The following PCDH7 variants were observed in gnomAD, a reference collection of about 807,000 sequenced individuals.
PCDH7 encodes the protein protocadherin-7.
A neutral mutation model predicts 58.9 loss-of-function variants in PCDH7; 17 were observed. That is an observed-to-expected ratio of 0.29 (90% confidence interval 0.20 to 0.43). The LOEUF is 0.43. PCDH7 is among the 20% of genes least tolerant of loss of function. PCDH7 has a pLI of 1.00. For missense variants in PCDH7, 1,274 were observed against 1,441.0 expected (o/e 0.88, Z 1.88); for synonymous variants, 664 against 616.4 (o/e 1.08, Z -1.14).
intron 1 of PCDH7, among the ~76,000 whole-genome samples, chr4:30,829,338 ATTGT>A (rs1157695068): frequency 2.6e-5 from 4 of 152,086 alleles, no homozygotes; most frequent in Non-Finnish European, 4.4e-5. Flanking sequence ...AATATAGAAA[ATTGT>A]TTGTTTAATT....
chr4:30,985,521 C>G (rs1283118577), intron 3 of PCDH7, among the ~76,000 whole-genome samples: 1 of 152,078 alleles, frequency 6.6e-6, no homozygotes, highest in Non-Finnish European at 1.5e-5. Flanking sequence ...ATGCAGTCAA[C>G]TTACTAATTT....
chr4:30,746,040 G>A (rs1717738768), intron 1 of PCDH7, among the ~76,000 whole-genome samples: 1 of 151,960 alleles, frequency 6.6e-6, no homozygotes. Flanking sequence ...TGTTGGCCAG[G>A]CTGGTCTTGA....
intron 3 of PCDH7, among the ~76,000 whole-genome samples, chr4:30,992,190 T>G: frequency 6.6e-6 from 1 of 152,224 alleles, no homozygotes; most frequent in East Asian, 1.9e-4. Context: ...ATAGTGTTTG[T>G]TAAGTAAATA....
At chr4:30,897,186 G>A (rs1739558794) in intron 1 of PCDH7, among the ~76,000 whole-genome samples, 2 of 151,924 alleles carry the variant, frequency 1.3e-5, no homozygotes, top group East Asian at 1.9e-4. Flanking sequence ...TTACAGGCGT[G>A]AGCCACCGCG....
chr4:31,001,165 T>G (rs1466504451), intron 3 of PCDH7, among the ~76,000 whole-genome samples: 4 of 151,952 alleles, frequency 2.6e-5, no homozygotes, highest in Non-Finnish European at 5.9e-5. Flanking sequence ...CAAAAAAAAG[T>G]TCATAAAATA....
intron 3 of PCDH7, among the ~76,000 whole-genome samples, chr4:31,066,803 C>T (rs1758131964): frequency 6.6e-6 from 1 of 151,896 alleles, no homozygotes; most frequent in Non-Finnish European, 1.5e-5. Context: ...TACTCCATTT[C>T]CTTTAACTCT....
chr4:30,800,322 A>G (rs1053331640), intron 1 of PCDH7, among the ~76,000 whole-genome samples: 1 of 152,162 alleles, frequency 6.6e-6, no homozygotes, highest in African/African-American at 2.4e-5. Flanking sequence ...ATATATACAC[A>G]TACATTTGTA....
chr4:30,888,121 ACC>A (rs1395731147), intron 1 of PCDH7, among the ~76,000 whole-genome samples: 1 of 151,790 alleles, frequency 6.6e-6, no homozygotes, highest in Non-Finnish European at 1.5e-5. Context: ...TTATCTGCCC[ACC>A]TCTGCCTCCC....
At chr4:31,016,756 A>G (rs1753634697) in intron 3 of PCDH7, among the ~76,000 whole-genome samples, 1 of 152,034 alleles carries the variant, frequency 6.6e-6, no homozygotes, top group African/African-American at 2.4e-5. Flanking sequence ...ACAGTGTCTC[A>G]AAGCAAATAA....
chr4:30,745,660 T>C (rs1029026637), intron 1 of PCDH7, among the ~76,000 whole-genome samples: 6 of 151,980 alleles, frequency 3.9e-5, no homozygotes, highest in African/African-American at 1.5e-4. Flanking sequence ...CTGCATGAAG[T>C]CTTTTAAAGC....
intron 3 of PCDH7, among the ~76,000 whole-genome samples, chr4:30,983,684 T>C (rs186860173): frequency 2.0e-5 from 3 of 152,316 alleles, no homozygotes; most frequent in East Asian, 1.9e-4. Context: ...CAAGTGGCCA[T>C]AATCAGTATG....
chr4:30,991,677 G>T (rs1751477283), intron 3 of PCDH7, among the ~76,000 whole-genome samples: 1 of 152,038 alleles, frequency 6.6e-6, no homozygotes, highest in South Asian at 2.1e-4. Context: ...GAATAAAACT[G>T]GTCATCGTTC....
chr4:30,764,169 T>C (rs913754895), intron 1 of PCDH7, among the ~76,000 whole-genome samples: 11 of 152,182 alleles, frequency 7.2e-5, no homozygotes, highest in African/African-American at 2.4e-4. Context: ...AAGGAAAATA[T>C]GTGTCCAGGA....
chr4:31,094,714 TAAAC>T (rs1296312251), intron 3 of PCDH7, among the ~76,000 whole-genome samples: 2 of 152,070 alleles, frequency 1.3e-5, no homozygotes, highest in African/African-American at 2.4e-5. Context: ...AGGAAACACA[TAAAC>T]AAACAAAAAA....
intron 3 of PCDH7, among the ~76,000 whole-genome samples, chr4:31,013,449 A>C (rs1473868415): frequency 2.0e-5 from 3 of 150,396 alleles, no homozygotes. Flanking sequence ...ATATATCTTC[A>C]TATATTATAT....
At chr4:30,789,718 A>G (rs1723861954) in intron 1 of PCDH7, among the ~76,000 whole-genome samples, 1 of 152,100 alleles carries the variant, frequency 6.6e-6, no homozygotes, top group African/African-American at 2.4e-5. Flanking sequence ...GTCACACTGA[A>G]TTTTTTATTT....
At position 30,859,820 on chromosome 4, in the gene PCDH7, AC is replaced by A. The variant is rs1733971873; in HGVS notation, c.71-60332del. The stretch of plus-strand genomic sequence containing the variant: ...CTGATTGGAAGGAAACTAAAAGCCA[AC>A]AGGACTTTGCTTCTGGTAGATACAG... On this transcript the variant is annotated intron_variant, in intron 1 of 3. Transcript: ENST00000509759. Among the ~76,000 whole-genome samples the A allele has an allele frequency of 2.0e-5, 3 of 152,180 alleles. No individual in the cohort carries two copies. The South Asian group carries it at 6.2e-4, about 31-fold the overall frequency.
intron 1 of PCDH7, among the ~76,000 whole-genome samples, chr4:30,811,159 A>T (rs1419823050): frequency 1.3e-5 from 2 of 152,176 alleles, no homozygotes; most frequent in East Asian, 1.9e-4. Context: ...CATTCCTTTC[A>T]TGTAGAAGGA....
intron 1 of PCDH7, among the ~76,000 whole-genome samples, chr4:30,840,694 A>AT (rs1264472775): frequency 6.6e-6 from 1 of 151,856 alleles, no homozygotes; most frequent in African/African-American, 2.4e-5. Context: ...GCAGAACAAA[A>AT]TTTTTTTTGC....
Sources: gnomAD v4.1 joint callset for allele counts (sites outside exome capture counted in the v4.1 genomes callset) on GRCh38, gnomAD v4.1.1 for gene constraint, MANE v1.5 for transcripts, NCBI Gene and HGNC (gene_info 2026-07-23, HGNC 2026-07-21) for gene names.